Variants in GRID1 observed in about 807,000 individuals in gnomAD.
GRID1 encodes glutamate receptor ionotropic, delta-1.
In GRID1, 28 loss-of-function variants were observed where a neutral mutation model predicts 98.0. That is an observed-to-expected ratio of 0.29 (90% CI 0.21 to 0.39). The LOEUF is 0.39. Among genes scored for constraint, GRID1 ranks in the 10% least tolerant of loss-of-function variants. The pLI is 1.00. For missense variants in GRID1, 1,111 were observed against 1,340.5 expected (o/e 0.83, Z 2.67); for synonymous variants, 553 against 538.5 (o/e 1.03, Z -0.37).
chr10:86,253,190 G>A (rs1391218640), intron 2 of GRID1, among the ~76,000 whole-genome samples: 1 of 152,202 alleles, frequency 6.6e-6, no homozygotes, highest in Non-Finnish European at 1.5e-5. Flanking sequence ...TGACAGCTCT[G>A]TCTTTTCCCC....
At chr10:85,959,436 T>TG (rs1183664979) in intron 4 of GRID1, among the ~76,000 whole-genome samples, 6 of 152,274 alleles carry the variant, frequency 3.9e-5, no homozygotes, top group Admixed American at 3.9e-4. Flanking sequence ...GGCAATGAGT[T>TG]GGCAAGGACA....
chr10:86,034,865 G>A (rs898434376), intron 4 of GRID1, among the ~76,000 whole-genome samples: 1 of 151,800 alleles, frequency 6.6e-6, no homozygotes, highest in East Asian at 1.9e-4. Context: ...TCAATGGGTT[G>A]GTGGATGGAT....
chr10:85,665,565 C>T (rs1841010013), intron 12 of GRID1, among the ~76,000 whole-genome samples: 1 of 152,076 alleles, frequency 6.6e-6, no homozygotes, highest in Non-Finnish European at 1.5e-5. Context: ...CATGTTTTCA[C>T]CTAGAGCAAA....
intron 4 of GRID1, among the ~76,000 whole-genome samples, chr10:86,131,205 C>G (rs988972102): frequency 6.6e-6 from 1 of 152,076 alleles, no homozygotes; most frequent in African/African-American, 2.4e-5. Context: ...CGTCTTCTTA[C>G]AGCTTCCCCG....
chr10:85,933,732 C>G (rs79496155), intron 4 of GRID1, among the ~76,000 whole-genome samples: 2,093 of 152,312 alleles, frequency 0.014, 41 homozygotes, highest in African/African-American at 0.048. Context: ...AATGCTTATC[C>G]TACAACTTCA....
At chr10:85,634,278 C>T (rs1394459615) in intron 13 of GRID1, among the ~76,000 whole-genome samples, 1 of 145,950 alleles carries the variant, frequency 6.9e-6, no homozygotes, top group African/African-American at 2.6e-5. Context: ...CTCTCTCTCT[C>T]TCTCTCTCTC....
At position 86,180,333 on chromosome 10, in the gene GRID1, G is replaced by A. The variant is rs140116772; in HGVS notation, c.520+26031C>T. 5.6e-4 allele frequency among the ~76,000 whole-genome samples: 86 copies of A among 152,258 alleles called. 1 individual carries two copies. The East Asian group carries it at 0.015, about 26-fold the overall frequency. ...AATGGCATAGAGGCCCAGAGTGATC[G>A]AACAGCTGCCCAGGGCCATGCTTGG... On this transcript the variant is annotated intron_variant, in intron 3 of 15. Coordinates refer to ENST00000327946, the MANE Select transcript of GRID1 (RefSeq NM_017551.3).
rs368333088 is a variant in GRID1, at chr10:85,835,421, A to C, written c.1233+19075T>G. On this transcript the variant is annotated intron_variant, in intron 8 of 15. Transcript: ENST00000327946. The stretch of plus-strand genomic sequence containing the variant: ...ATTGAACGATGGGGGCAATTTCCCC[A>C]TACTGTTCTCATGGTAGTGAGTAAG... Among the ~76,000 whole-genome samples, 6 of 152,314 alleles carry C rather than the reference A, an allele frequency of 3.9e-5. No homozygotes were observed. In the East Asian group the frequency reaches 1.2e-3, roughly 29 times the overall value.
intron 6 of GRID1, among the ~76,000 whole-genome samples, chr10:85,867,459 T>C (rs931338710): frequency 1.3e-5 from 2 of 151,416 alleles, no homozygotes; most frequent in African/African-American, 4.8e-5. Flanking sequence ...GGGATTCCCC[T>C]CTCCCGCTGC....
chr10:85,894,821 A>G (rs182909258), intron 5 of GRID1, among the ~76,000 whole-genome samples: 50 of 151,852 alleles, frequency 3.3e-4, no homozygotes, highest in Non-Finnish European at 1.5e-5. Flanking sequence ...CAGCCTTGCC[A>G]GCATGGTGAA....
At chr10:86,055,338 G>A (rs1234221574) in intron 4 of GRID1, among the ~76,000 whole-genome samples, 4 of 152,156 alleles carry the variant, frequency 2.6e-5, no homozygotes, top group Admixed American at 2.0e-4. Context: ...TTTGTGTCCC[G>A]ACACCCAGAA....
At chr10:86,152,696 G>A (rs1201416826) in intron 3 of GRID1, among the ~76,000 whole-genome samples, 1 of 152,202 alleles carries the variant, frequency 6.6e-6, no homozygotes, top group Non-Finnish European at 1.5e-5. Flanking sequence ...GCAGAGTGAG[G>A]CTGTCTAGGG....
chr10:86,299,239 C>G (rs1272267242), intron 2 of GRID1, among the ~76,000 whole-genome samples: 2 of 141,034 alleles, frequency 1.4e-5, no homozygotes, highest in Non-Finnish European at 3.0e-5. Context: ...ATTTATTCAT[C>G]CTACATAACA....
At chr10:86,137,937 T>C (rs1026798676) in intron 4 of GRID1, among the ~76,000 whole-genome samples, 1 of 152,170 alleles carries the variant, frequency 6.6e-6, no homozygotes, top group Non-Finnish European at 1.5e-5. Flanking sequence ...ATTAGTATAA[T>C]GTCATGTTTC....
chr10:86,090,172 CT>C (rs1844124453), intron 4 of GRID1, among the ~76,000 whole-genome samples: 1 of 151,806 alleles, frequency 6.6e-6, no homozygotes, highest in African/African-American at 2.4e-5. Context: ...AAACCCAGCA[CT>C]TTGGGAGGTC....
chr10:85,614,783 T>C (rs901599938), intron 14 of GRID1, among the ~76,000 whole-genome samples: 6 of 152,112 alleles, frequency 3.9e-5, no homozygotes, highest in Non-Finnish European at 7.4e-5. Context: ...ATGTGTGCAA[T>C]GGTGGGACAA....
chr10:86,053,852 A>G (rs1158677916), intron 4 of GRID1, among the ~76,000 whole-genome samples: 2 of 152,200 alleles, frequency 1.3e-5, no homozygotes, highest in African/African-American at 2.4e-5. Context: ...ACATGCTCAT[A>G]TGTGTGCATA....
intron 10 of GRID1, 125 bp downstream of exon 10, chr10:85,727,730 G>T: frequency 1.5e-6 from 1 of 678,988 alleles, no homozygotes; most frequent in Non-Finnish European, 2.6e-6. Context: ...TTTGTGTGGG[G>T]AGAATGGTAA....
chr10:85,710,902 A>G (rs1841574967), intron 12 of GRID1, among the ~76,000 whole-genome samples: 1 of 152,092 alleles, frequency 6.6e-6, no homozygotes, highest in African/African-American at 2.4e-5. Context: ...CATAACCACA[A>G]TGAGATGCTA....
Sources: allele counts gnomAD v4.1 joint callset (sites outside exome capture counted in the v4.1 genomes callset), GRCh38; gene constraint gnomAD v4.1.1; transcripts MANE v1.5; gene names NCBI Gene and HGNC (gene_info 2026-07-23, HGNC 2026-07-21).